The following NIPSNAP2 variants were observed in gnomAD, a reference collection of about 807,000 sequenced individuals.
The protein encoded by NIPSNAP2 is protein NipSnap homolog 2.
A neutral mutation model predicts 48.4 loss-of-function variants in NIPSNAP2; 42 were observed. The observed-to-expected ratio is 0.87, with a 90% CI of 0.68 to 1.12. The LOEUF is 1.12. Ranked by LOEUF, NIPSNAP2 falls within the 50% of genes most tolerant of loss-of-function variation. The pLI is 0.00. For synonymous variants in NIPSNAP2, 158 were observed against 126.6 expected (o/e 1.25, Z -1.67); for missense variants, 314 against 347.3 (o/e 0.90, Z 0.76).
chr7:55,968,964 T>G (rs1247848049), intron 1 of NIPSNAP2, among the ~76,000 whole-genome samples: 2 of 151,150 alleles, frequency 1.3e-5, no homozygotes, highest in African/African-American at 4.9e-5. Context: ...AGGTAATTGC[T>G]CGAGCGCAGG....
intron 1 of NIPSNAP2, among the ~76,000 whole-genome samples, chr7:55,971,919 T>C (rs550798122): frequency 6.6e-6 from 1 of 152,296 alleles, no homozygotes; most frequent in South Asian, 2.1e-4. Flanking sequence ...CTTTCTTAAT[T>C]GTTCATAATT....
At chr7:55,972,431 T>C (rs1330802226) in intron 1 of NIPSNAP2, among the ~76,000 whole-genome samples, 1 of 150,996 alleles carries the variant, frequency 6.6e-6, no homozygotes. Context: ...CTTTTTTCTT[T>C]TTCTTTTTTT....
At chr7:55,989,806 T>C (rs534995313) in intron 7 of NIPSNAP2, among the ~76,000 whole-genome samples, 1 of 152,216 alleles carries the variant, frequency 6.6e-6, no homozygotes, top group East Asian at 1.9e-4. Context: ...ATGGGATTTC[T>C]TTGGAAGCTA....
intron 5 of NIPSNAP2, among the ~76,000 whole-genome samples, chr7:55,983,410 G>T (rs1787261678): frequency 1.3e-5 from 2 of 152,202 alleles, no homozygotes; most frequent in African/African-American, 4.8e-5. Context: ...TTTGTAGTCT[G>T]CATGCTACTT....
intron 1 of NIPSNAP2, among the ~76,000 whole-genome samples, chr7:55,970,866 C>T (rs1209191353): frequency 6.6e-6 from 1 of 152,074 alleles, no homozygotes; most frequent in African/African-American, 2.4e-5. Flanking sequence ...TACTGGAGTC[C>T]CTCCTGCACC....
At chr7:55,997,194 C>A (rs1047078721) in intron 8 of NIPSNAP2, among the ~76,000 whole-genome samples, 172 bp from the exon 9 acceptor site, 3 of 151,916 alleles carry the variant, frequency 2.0e-5, no homozygotes, top group Non-Finnish European at 4.4e-5. Context: ...TTTGCTTTTC[C>A]CACGTGGCCT....
Position 55,981,733 on chromosome 7 carries a change from A to G in NIPSNAP2, c.373+166A>G, listed in dbSNP as rs533636375. On this transcript the variant is annotated intron_variant, in intron 4 of 9. Transcript: ENST00000322090. ...AACAATTCATTGCGAAAATGGTTTT[A>G]AAATTGTTTTTAATGTTTGAATCTA... 5 of 564,682 alleles carry G rather than the reference A, an allele frequency of 8.9e-6. No homozygotes were observed. The Admixed American group carries it at 1.7e-4, about 19-fold the overall frequency. 35.0% of individuals were successfully genotyped at this position (564,682 alleles called of 1,614,324 possible).
At chr7:55,966,928 T>C (rs977105584) in intron 1 of NIPSNAP2, among the ~76,000 whole-genome samples, 4 of 152,228 alleles carry the variant, frequency 2.6e-5, no homozygotes, top group South Asian at 2.1e-4. Flanking sequence ...CTCATTGTTA[T>C]GTGGCAGTGG....
At chr7:55,967,975 A>AG (rs1170527964) in intron 1 of NIPSNAP2, among the ~76,000 whole-genome samples, 3 of 151,302 alleles carry the variant, frequency 2.0e-5, no homozygotes, top group East Asian at 3.9e-4. Flanking sequence ...TTTTGTAGAG[A>AG]GGGGGGTCTT....
At chr7:55,997,956 A>C (rs1458920857) in intron 9 of NIPSNAP2, among the ~76,000 whole-genome samples, 2 of 152,222 alleles carry the variant, frequency 1.3e-5, no homozygotes, top group African/African-American at 4.8e-5. Context: ...GATTTTTAAA[A>C]GAAAACAGTT....
chr7:55,999,327 C>A lies in NIPSNAP2; in HGVS notation c.*255C>A. On this transcript the variant is annotated 3_prime_UTR_variant, in exon 10 of 10. Transcript: ENST00000322090. ...TCCAGTATACCTTATAACACTGAGCCACTTCTCCCCACCCTCCAGAAGGGG... is the reference window on the plus strand; with the variant it reads ...TCCAGTATACCTTATAACACTGAGCAACTTCTCCCCACCCTCCAGAAGGGG... The A allele has an allele frequency of 2.8e-6, 1 of 358,952 alleles. No homozygotes were observed. Among genetic ancestry groups the A allele is most frequent in the Non-Finnish European group, 4.9e-6 (1 of 202,198 alleles). 22.2% of individuals were successfully genotyped at this position (358,952 alleles called of 1,614,324 possible).
Position 55,999,342 on chromosome 7 carries a change from T to A in NIPSNAP2, c.*270T>A. 1 of 318,752 alleles carries A rather than the reference T, an allele frequency of 3.1e-6. No homozygotes were observed. Among genetic ancestry groups the A allele is most frequent in the Non-Finnish European group, 5.7e-6 (1 of 176,920 alleles). The allele number at this position is 318,752 out of a possible 1,614,324, so 19.7% of individuals were successfully genotyped here. A position where few individuals can be genotyped will look rare whatever the true frequency, so the allele number is the denominator to read the frequency against. The stretch of plus-strand genomic sequence containing the variant: ...AACACTGAGCCACTTCTCCCCACCC[T>A]CCAGAAGGGGTCCACGTTGAATTCT... On this transcript the variant is annotated 3_prime_UTR_variant, in exon 10 of 10. Coordinates refer to ENST00000322090, the MANE Select transcript of NIPSNAP2 (RefSeq NM_001483.3).
intron 1 of NIPSNAP2, among the ~76,000 whole-genome samples, chr7:55,977,441 T>A (rs112755657): frequency 1.3e-5 from 2 of 152,300 alleles, no homozygotes; most frequent in African/African-American, 2.4e-5. Flanking sequence ...AAATTTTTTT[T>A]AAAGAAAGAA....
chr7:55,988,928 G>T (rs1189335818), intron 7 of NIPSNAP2, among the ~76,000 whole-genome samples: 1 of 151,986 alleles, frequency 6.6e-6, no homozygotes, highest in Non-Finnish European at 1.5e-5. Flanking sequence ...CTACCCAAAA[G>T]ATACCATCCA....
Position 55,982,751 on chromosome 7 carries a change from C to CA in NIPSNAP2, c.444+487dup, listed in dbSNP as rs35890311. Among the ~76,000 whole-genome samples, 285 of 114,702 alleles carry CA rather than the reference C, an allele frequency of 2.5e-3. 3 individuals carry two copies. The highest frequency in any genetic ancestry group is 0.014 in the Middle Eastern group (3 of 214). 75.2% of individuals were successfully genotyped at this position (114,702 alleles called of 152,430 possible). A position where few individuals can be genotyped will look rare whatever the true frequency, so the allele number is the denominator to read the frequency against. On this transcript the variant is annotated intron_variant, in intron 5 of 9. Coordinates refer to ENST00000322090, the MANE Select transcript of NIPSNAP2 (RefSeq NM_001483.3). ...TGGGCGACAGAGCAAGACTCTGTCT[C>CA]AAAAAAAAAAAAAAAATTCTTATTG...
At chr7:55,998,870 G>T (rs1487526454) in intron 9 of NIPSNAP2, 138 bp from the exon 10 acceptor site, 1 of 741,662 alleles carries the variant, frequency 1.3e-6, no homozygotes, top group Non-Finnish European at 2.4e-6. Flanking sequence ...TGCCCTTGAG[G>T]TTAGTCCTGT....
At chr7:55,997,529 GGTTTTGTAATAGTAT>G in intron 9 of NIPSNAP2, 80 bp downstream of exon 9, 2 of 1,125,096 alleles carry the variant, frequency 1.8e-6, no homozygotes, top group Non-Finnish European at 2.7e-6. Context: ...CTAATAGGTG[GGTTTTGTAATAGTAT>G]GTTGCTAGGA....
chr7:55,993,812 T>G (rs1275718157), intron 7 of NIPSNAP2, among the ~76,000 whole-genome samples: 1 of 152,126 alleles, frequency 6.6e-6, no homozygotes, highest in African/African-American at 2.4e-5. Flanking sequence ...TATTTTTAAC[T>G]GATCATAGTG....
chr7:55,984,919 ATAGAT>A, intron 7 of NIPSNAP2, 41 bp downstream of exon 7: 1 of 1,530,666 alleles, frequency 6.5e-7, no homozygotes, highest in Non-Finnish European at 9.0e-7. Context: ...AGTCTTGTGA[ATAGAT>A]TAGTTTAGGC....
Sources: allele counts gnomAD v4.1 joint callset (sites outside exome capture counted in the v4.1 genomes callset), GRCh38; gene constraint gnomAD v4.1.1; transcripts MANE v1.5; gene names NCBI Gene and HGNC (gene_info 2026-07-23, HGNC 2026-07-21).